The following SPECC1L variants were observed in gnomAD, a reference collection of about 807,000 sequenced individuals.
SPECC1L encodes the protein cytospin-A.
SPECC1L carries 40 observed loss-of-function variants against 116.8 expected under a neutral mutation model. That is an observed-to-expected ratio of 0.34 (90% CI 0.27 to 0.45). SPECC1L has a LOEUF of 0.45. SPECC1L is among the 20% of genes least tolerant of loss of function. The pLI is 1.00. For synonymous variants in SPECC1L, 504 were observed against 500.6 expected, an observed-to-expected ratio of 1.01 and a Z score of -0.09; for missense variants, 1,110 against 1,373.6, an observed-to-expected ratio of 0.81 and a Z score of 3.03.
rs751981921 is a variant in SPECC1L, at chr22:24,355,281, C to CAAAA, written c.2744-7961_2744-7958dup. Among the ~76,000 whole-genome samples the CAAAA allele has an allele frequency of 4.1e-4, 23 of 55,986 alleles. 1 individual carries two copies. The highest frequency in any genetic ancestry group is 2.3e-3 in the East Asian group (5 of 2,158). The allele number at this position is 55,986 out of a possible 152,430, so 36.7% of individuals were successfully genotyped here. On this transcript the variant is annotated intron_variant, in intron 11 of 16. Transcript: ENST00000314328. ...TTGGCAACAGAGTGAGACTCCATCT[C>CAAAA]AAAAAAAAAAAAAAAAAAAAAAGGA...
At chr22:24,340,922 C>T (rs755866830) in intron 10 of SPECC1L, among the ~76,000 whole-genome samples, 3 of 152,052 alleles carry the variant, frequency 2.0e-5, no homozygotes, top group Non-Finnish European at 4.4e-5. Flanking sequence ...TCACAAACAA[C>T]GATTAATAGA....
At chr22:24,322,940 A>T in intron 5 of SPECC1L, 22 bp downstream of exon 5, 1 of 1,613,308 alleles carries the variant, frequency 6.2e-7, no homozygotes, top group Non-Finnish European at 8.5e-7. Flanking sequence ...ATAGATTAAA[A>T]TGTTCCGGAC....
chr22:24,332,126 G>A (rs1163075317), intron 8 of SPECC1L, among the ~76,000 whole-genome samples: 1 of 152,048 alleles, frequency 6.6e-6, no homozygotes, highest in African/African-American at 2.4e-5. Context: ...TTATTTGGTG[G>A]GTATTTTGTG....
intron 14 of SPECC1L, among the ~76,000 whole-genome samples, chr22:24,386,961 G>A (rs533640032): frequency 1.3e-5 from 2 of 152,254 alleles, no homozygotes; most frequent in Admixed American, 1.3e-4. Flanking sequence ...GCTTTGCTAT[G>A]TCTGCAGCAG....
intron 13 of SPECC1L, among the ~76,000 whole-genome samples, chr22:24,366,633 G>A (rs1056809274): frequency 6.6e-6 from 1 of 152,134 alleles, no homozygotes; most frequent in Non-Finnish European, 1.5e-5. Context: ...TTTTCATAAA[G>A]AAAGGTGATT....
chr22:24,334,247 C>T (rs951514338), intron 8 of SPECC1L, among the ~76,000 whole-genome samples, 163 bp from the exon 9 acceptor site: 2 of 152,006 alleles, frequency 1.3e-5, no homozygotes, highest in East Asian at 1.9e-4. Flanking sequence ...CTCCTGACCT[C>T]GTGATCCTCC....
chr22:24,347,683 A>AT (rs527469900), intron 11 of SPECC1L, among the ~76,000 whole-genome samples: 11 of 149,100 alleles, frequency 7.4e-5, no homozygotes, highest in South Asian at 2.1e-4. Flanking sequence ...TCACACAGCC[A>AT]TTTTTTTTTT....
At chr22:24,298,046 TACTG>T (rs1413504374) in intron 2 of SPECC1L, among the ~76,000 whole-genome samples, 3 of 152,196 alleles carry the variant, frequency 2.0e-5, no homozygotes, top group Non-Finnish European at 4.4e-5. Flanking sequence ...GTCCCCAACT[TACTG>T]TGGTTCGACC....
chr22:24,361,743 C>T (rs1295608062), intron 11 of SPECC1L, among the ~76,000 whole-genome samples: 1 of 151,896 alleles, frequency 6.6e-6, no homozygotes, highest in African/African-American at 2.4e-5. Flanking sequence ...TTGCAGCGAG[C>T]CAAGATTGCA....
At chr22:24,335,212 C>A (rs558070206) in intron 9 of SPECC1L, among the ~76,000 whole-genome samples, 2 of 152,332 alleles carry the variant, frequency 1.3e-5, no homozygotes, top group South Asian at 4.1e-4. Context: ...TTCAAGCCAC[C>A]ATCAACCACT....
At chr22:24,393,666 G>T (rs962010448) in intron 14 of SPECC1L, among the ~76,000 whole-genome samples, 4 of 152,026 alleles carry the variant, frequency 2.6e-5, no homozygotes, top group Non-Finnish European at 4.4e-5. Context: ...TTTAATAGTT[G>T]CATTGAGGTA....
chr22:24,351,806 T>G, intron 11 of SPECC1L, among the ~76,000 whole-genome samples: 2 of 152,344 alleles, frequency 1.3e-5, no homozygotes, highest in Admixed American at 1.3e-4. Flanking sequence ...TCTTATTTAC[T>G]TAGGGATGAA....
At position 24,321,342 on chromosome 22, in the gene SPECC1L, C is replaced by G. The variant is rs575022840; in HGVS notation, c.362C>G (p.Ser121Cys). The G allele has an allele frequency of 1.5e-5, 25 of 1,614,072 alleles. No individual in the cohort carries two copies. The highest frequency in any genetic ancestry group is 2.7e-5 in the African/African-American group (2 of 74,924). ...TCTACAGGTAATAAAGAATCCAGTT[C>G]TACTAGAGAAAGATTACGTGAACGT... is the stretch of plus-strand genomic sequence containing the variant. The part of the protein sequence containing the change: ...STSTGNKESS[S>C]TRERLRERTR... Residue 121 changes from serine to cysteine, a missense_variant, in exon 5 of 17, where the codon TCT (serine) becomes TGT (cysteine). Physicochemically the swap from Ser to Cys is moderately radical, Grantham distance 112. Around this residue, in one of 4 missense-constraint regions of SPECC1L, gnomAD observed 437 missense variants for 482.6 expected, o/e 0.91. Coordinates refer to ENST00000314328, the MANE Select transcript of SPECC1L (RefSeq NM_015330.6).
At chr22:24,271,044 C>G (rs2048711368) in intron 1 of SPECC1L, 61 bp downstream of exon 1, 1 of 152,496 alleles carries the variant, frequency 6.6e-6, no homozygotes, top group African/African-American at 2.4e-5. Flanking sequence ...CGCCTCAGCG[C>G]CGCCCGCGCT....
chr22:24,360,296 G>T (rs995154663), intron 11 of SPECC1L, among the ~76,000 whole-genome samples: 1 of 152,218 alleles, frequency 6.6e-6, no homozygotes, highest in Non-Finnish European at 1.5e-5. Context: ...GTGCCTCTGG[G>T]CAGATTTGAT....
Position 24,286,437 on chromosome 22 carries a change from T to G in SPECC1L, c.-38+9634T>G, listed in dbSNP as rs62233071. The stretch of plus-strand genomic sequence containing the variant: ...GCTTGAACTTGCAATACATTGCTCC[T>G]GAGATAAAGACATAGGTGAAGCTTA... On this transcript the variant is annotated intron_variant, in intron 2 of 16. Transcript: ENST00000314328. Among the ~76,000 whole-genome samples the G allele has an allele frequency of 7.4e-3, 1,127 of 152,374 alleles. 6 individuals carry two copies. Among genetic ancestry groups the G allele is most frequent in the South Asian group, 0.012 (60 of 4,828 alleles).
intron 14 of SPECC1L, among the ~76,000 whole-genome samples, chr22:24,377,396 G>C (rs1362237363): frequency 1.3e-5 from 2 of 152,052 alleles, no homozygotes; most frequent in African/African-American, 4.8e-5. Context: ...CCAAGTAGCT[G>C]GATCTACAGG....
intron 14 of SPECC1L, among the ~76,000 whole-genome samples, chr22:24,385,197 A>G (rs1293613152): frequency 3.9e-5 from 6 of 152,172 alleles, no homozygotes; most frequent in Admixed American, 2.6e-4. Flanking sequence ...CAGTGTGGCT[A>G]TAATATTTAA....
At chr22:24,396,524 C>T (rs998044818) in intron 14 of SPECC1L, among the ~76,000 whole-genome samples, 5 of 152,236 alleles carry the variant, frequency 3.3e-5, no homozygotes, top group Non-Finnish European at 5.9e-5. Flanking sequence ...TCTCGAACTC[C>T]TGACCTCAGG....
Sources: gnomAD v4.1 joint callset for allele counts (sites outside exome capture counted in the v4.1 genomes callset) on GRCh38, gnomAD v4.1.1 for gene constraint, gnomAD v4.1.1 regional missense constraint, MANE v1.5 for transcripts, NCBI Gene and HGNC (gene_info 2026-07-23, HGNC 2026-07-21) for gene names.